ZMYND8: variants seen among roughly 807,000 people sequenced by gnomAD.
ZMYND8 encodes zinc finger MYND-type containing 8.
In ZMYND8, 37 loss-of-function variants were observed where a neutral mutation model predicts 140.8. That is an observed-to-expected ratio of 0.26 (90% confidence interval 0.20 to 0.35). The LOEUF is 0.35. ZMYND8 is among the 10% of genes least tolerant of loss of function. ZMYND8 has a pLI of 1.00. For missense variants in ZMYND8, 1,068 were observed against 1,570.0 expected, an observed-to-expected ratio of 0.68 and a Z score of 5.40; for synonymous variants, 592 against 597.1, an observed-to-expected ratio of 0.99 and a Z score of 0.12.
intron 16 of ZMYND8, among the ~76,000 whole-genome samples, chr20:47,231,484 C>T (rs921312478): frequency 4.6e-5 from 7 of 152,190 alleles, no homozygotes; most frequent in Non-Finnish European, 7.3e-5. Flanking sequence ...CACTGCAGCT[C>T]GTTACCTGCC....
At chr20:47,321,100 T>G (rs2079910026) in intron 2 of ZMYND8, among the ~76,000 whole-genome samples, 1 of 152,220 alleles carries the variant, frequency 6.6e-6, no homozygotes, top group African/African-American at 2.4e-5. Flanking sequence ...TTTCTGATCA[T>G]GTTTACATAT....
intron 12 of ZMYND8, among the ~76,000 whole-genome samples, chr20:47,255,716 ATG>A (rs1256666818): frequency 4.2e-4 from 12 of 28,706 alleles, no homozygotes; most frequent in African/African-American, 1.1e-3. Context: ...TATACCGTGT[ATG>A]TGTGTATATA....
At chr20:47,234,167 G>C (rs979026855) in intron 16 of ZMYND8, among the ~76,000 whole-genome samples, 6 of 152,226 alleles carry the variant, frequency 3.9e-5, no homozygotes, top group African/African-American at 1.4e-4. Flanking sequence ...TCGTGTACCA[G>C]CCTCCTAAGT....
chr20:47,346,051 T>A (rs1212610704), intron 2 of ZMYND8, among the ~76,000 whole-genome samples: 2 of 152,084 alleles, frequency 1.3e-5, no homozygotes, highest in Non-Finnish European at 2.9e-5. Flanking sequence ...CTCAGCTTGG[T>A]CATGCTTGGA....
intron 3 of ZMYND8, among the ~76,000 whole-genome samples, chr20:47,303,072 G>C (rs1431928160): frequency 6.6e-6 from 1 of 152,104 alleles, no homozygotes; most frequent in Non-Finnish European, 1.5e-5. Context: ...ACGTCCCTTG[G>C]AGGTCAAAAC....
intron 1 of ZMYND8, 70 bp downstream of exon 1, chr20:47,356,585 TCA>T (rs2083258488): frequency 1.9e-6 from 3 of 1,613,728 alleles, no homozygotes; most frequent in Admixed American, 1.7e-5. Flanking sequence ...CACAGAGAAA[TCA>T]CACTGCTCGC....
chr20:47,213,426 C>T (rs993960931), intron 21 of ZMYND8, among the ~76,000 whole-genome samples: 4 of 152,214 alleles, frequency 2.6e-5, no homozygotes, highest in African/African-American at 9.7e-5. Flanking sequence ...GGAATATAAT[C>T]ACAGTACACT....
At position 47,255,720 on chromosome 20, in the gene ZMYND8, GTGTATATATATATATATATA is replaced by G. The variant is rs1293192178; in HGVS notation, c.1622-6301_1622-6282del. On this transcript the variant is annotated intron_variant, in intron 12 of 22. Coordinates refer to ENST00000471951, the MANE Select transcript of ZMYND8 (RefSeq NM_001281775.3). ...ATATATATATATATACCGTGTATGT[GTGTATATATATATATATATA>G]TATATATATATATATATATATATAC... 2.2e-3 allele frequency among the ~76,000 whole-genome samples: 61 copies of G among 27,246 alleles called. 2 individuals are homozygous for G. Among genetic ancestry groups the G allele is most frequent in the African/African-American group, 6.6e-3 (60 of 9,152 alleles). The allele number at this position is 27,246 out of a possible 152,430, so 17.9% of individuals were successfully genotyped here.
chr20:47,290,883 G>A (rs1414178407), intron 6 of ZMYND8, among the ~76,000 whole-genome samples: 1 of 151,914 alleles, frequency 6.6e-6, no homozygotes, highest in African/African-American at 2.4e-5. Flanking sequence ...GAGCCACCGC[G>A]CCCGGCCAAA....
intron 14 of ZMYND8, among the ~76,000 whole-genome samples, chr20:47,241,223 AG>A (rs1316290517): frequency 1.4e-5 from 2 of 146,702 alleles, no homozygotes; most frequent in Admixed American, 1.4e-4. Flanking sequence ...TGAACCCATG[AG>A]GCAGAGGTTG....
intron 16 of ZMYND8, among the ~76,000 whole-genome samples, chr20:47,234,159 G>A (rs573062228): frequency 1.4e-3 from 206 of 152,314 alleles, no homozygotes; most frequent in Non-Finnish European, 1.9e-3. Context: ...AGCAAGTCTC[G>A]TGTACCAGCC....
intron 18 of ZMYND8, among the ~76,000 whole-genome samples, chr20:47,225,386 C>A (rs564628284): frequency 6.6e-6 from 1 of 151,566 alleles, no homozygotes; most frequent in East Asian, 1.9e-4. Context: ...CATGGTGAAA[C>A]CCTGTCTCTG....
At chr20:47,290,321 CCA>C (rs1374698218) in intron 6 of ZMYND8, 47 bp from the exon 7 acceptor site, 3 of 1,553,712 alleles carry the variant, frequency 1.9e-6, no homozygotes, top group African/African-American at 2.7e-5. Flanking sequence ...TCTAGACAAG[CCA>C]CAGTCAGTGA....
intron 12 of ZMYND8, among the ~76,000 whole-genome samples, chr20:47,253,668 CTG>C (rs1406053674): frequency 1.3e-5 from 2 of 152,100 alleles, no homozygotes; most frequent in African/African-American, 2.4e-5. Flanking sequence ...GCCTTAACTC[CTG>C]TGTGTGTGTT....
rs150396402 is a variant in ZMYND8, at chr20:47,261,999, A to G, written c.1621+289T>C. Among the ~76,000 whole-genome samples the G allele has an allele frequency of 7.2e-5, 11 of 152,098 alleles. No homozygotes were observed. In the East Asian group the frequency reaches 1.9e-3, roughly 27 times the overall value. On this transcript the variant is annotated intron_variant, in intron 12 of 22. Coordinates refer to ENST00000471951, the MANE Select transcript of ZMYND8 (RefSeq NM_001281775.3). The stretch of plus-strand genomic sequence containing the variant: ...GGCAGGAGAATCACTTCAACCCAGG[A>G]GGCGGAGGTTGCAGGGAGCCGAGAC...
At chr20:47,300,935 T>TGTGTGTGTA (rs2077993177) in intron 3 of ZMYND8, among the ~76,000 whole-genome samples, 2 of 141,148 alleles carry the variant, frequency 1.4e-5, no homozygotes, top group African/African-American at 5.2e-5. Flanking sequence ...TGTGTGTGTG[T>TGTGTGTGTA]TTTGTTTTGT....
chr20:47,229,954 C>T, intron 16 of ZMYND8, 148 bp from the exon 17 acceptor site: 2 of 648,744 alleles, frequency 3.1e-6, no homozygotes, highest in Non-Finnish European at 5.2e-6. Flanking sequence ...TTCTGGTTGC[C>T]ATGACAGGTG....
rs144172676 is a variant in ZMYND8, at chr20:47,248,792, TCA to T, written c.1774+493_1774+494del. 7.2e-3 allele frequency among the ~76,000 whole-genome samples: 1,102 copies of T among 152,200 alleles called. 56 individuals carry two copies. The East Asian group carries it at 0.15, about 20-fold the overall frequency. On this transcript the variant is annotated intron_variant, in intron 13 of 22. Transcript: ENST00000471951. ...GAGGAGGTGAGATCTGAGCTCAGCCTCACAGAAGGCAGGATTCAGGTAGGCAG... is the reference window on the plus strand; with the variant it reads ...GAGGAGGTGAGATCTGAGCTCAGCCTCAGAAGGCAGGATTCAGGTAGGCAG...
chr20:47,251,990 AAAAG>A (rs918629815), intron 12 of ZMYND8, among the ~76,000 whole-genome samples: 15 of 152,218 alleles, frequency 9.9e-5, no homozygotes, highest in East Asian at 7.7e-4. Flanking sequence ...TTTAAAAAAA[AAAAG>A]AAAGAAAGAA....
Sources: gnomAD v4.1 joint callset for allele counts (sites outside exome capture counted in the v4.1 genomes callset) on GRCh38, gnomAD v4.1.1 for gene constraint, MANE v1.5 for transcripts, NCBI Gene and HGNC (gene_info 2026-07-23, HGNC 2026-07-21) for gene names.